The following SNX29 variants were observed in gnomAD, a reference collection of about 807,000 sequenced individuals.
SNX29 encodes sorting nexin 29, also known as sorting nexin-29.
SNX29 carries 78 observed loss-of-function variants against 102.1 expected under a neutral mutation model. The ratio of observed to expected loss-of-function variants is 0.76; its 90% CI spans 0.64 to 0.92. The LOEUF (loss-of-function observed/expected upper bound fraction) is 0.92. SNX29 is among the 40% of genes least tolerant of loss of function. SNX29 has a pLI of 0.00. For missense variants in SNX29, 1,280 were observed against 1,061.7 expected (o/e 1.21, Z -2.86); for synonymous variants, 580 against 414.5 (o/e 1.40, Z -4.85).
intron 20 of SNX29, among the ~76,000 whole-genome samples, chr16:12,542,600 G>C (rs1004392673): frequency 1.3e-5 from 2 of 152,306 alleles, no homozygotes; most frequent in Admixed American, 1.3e-4. Flanking sequence ...CCAAAGTGCT[G>C]GGATTACAGG....
At position 12,109,144 on chromosome 16, in the gene SNX29, A is replaced by AAAAAG. The variant is rs1555461961; in HGVS notation, c.1403-17485_1403-17484insGAAAA. On this transcript the variant is annotated intron_variant, in intron 11 of 20. Coordinates refer to ENST00000566228, the MANE Select transcript of SNX29 (RefSeq NM_032167.5). ...CGCTGTCTCAAAAAAAAAAAAAAAA[A>AAAAAG]AAAAAAAAAAAGAAAAGGAATTTAT... 4.1e-3 allele frequency among the ~76,000 whole-genome samples: 538 copies of AAAAAG among 130,544 alleles called. 19 individuals are homozygous for AAAAAG. The highest frequency in any genetic ancestry group is 6.3e-3 in the Non-Finnish European group (399 of 63,520). The allele number at this position is 130,544 out of a possible 152,430, so 85.6% of individuals were successfully genotyped here.
intron 20 of SNX29, among the ~76,000 whole-genome samples, chr16:12,536,054 C>T (rs546544618): frequency 1.3e-5 from 2 of 152,244 alleles, no homozygotes; most frequent in Non-Finnish European, 2.9e-5. Context: ...GAGCTGAGCC[C>T]TTTGTCTTCA....
At chr16:12,224,156 C>T (rs1457935523) in intron 14 of SNX29, among the ~76,000 whole-genome samples, 1 of 152,126 alleles carries the variant, frequency 6.6e-6, no homozygotes, top group East Asian at 1.9e-4. Flanking sequence ...TACTACTCTA[C>T]TTGAGTAGTA....
At chr16:12,391,243 G>T (rs2083518601) in intron 16 of SNX29, among the ~76,000 whole-genome samples, 1 of 152,196 alleles carries the variant, frequency 6.6e-6, no homozygotes, top group Non-Finnish European at 1.5e-5. Context: ...ACCATGCCCA[G>T]CCTTACAAAT....
At chr16:12,371,836 C>T (rs367956656) in intron 16 of SNX29, among the ~76,000 whole-genome samples, 4 of 152,178 alleles carry the variant, frequency 2.6e-5, no homozygotes, top group Admixed American at 1.3e-4. Flanking sequence ...TGACTCTCGC[C>T]TTCGCCCTAT....
intron 14 of SNX29, among the ~76,000 whole-genome samples, chr16:12,200,004 G>A (rs1567304268): frequency 6.6e-6 from 1 of 152,198 alleles, no homozygotes; most frequent in East Asian, 1.9e-4. Flanking sequence ...GTCACAGCAG[G>A]CCACGGGTGC....
chr16:12,270,439 C>T (rs1488599243), intron 14 of SNX29, among the ~76,000 whole-genome samples: 1 of 152,092 alleles, frequency 6.6e-6, no homozygotes, highest in Non-Finnish European at 1.5e-5. Context: ...TTCTTTTACT[C>T]CCAAGGCAAA....
chr16:12,345,160 T>C (rs985258211), intron 15 of SNX29, among the ~76,000 whole-genome samples: 2 of 152,348 alleles, frequency 1.3e-5, no homozygotes, highest in Admixed American at 1.3e-4. Flanking sequence ...GGTAAGATCC[T>C]GTGCTCTGCG....
At chr16:12,537,137 C>T (rs1010663543) in intron 20 of SNX29, among the ~76,000 whole-genome samples, 3 of 152,182 alleles carry the variant, frequency 2.0e-5, no homozygotes, top group East Asian at 1.9e-4. Flanking sequence ...AAATGGATCT[C>T]AGAGGCTGGG....
rs143837292 is a variant in SNX29 at position 12,130,776 on chromosome 16, A to G, written c.1595+1018A>G. Among the ~76,000 whole-genome samples the G allele has an allele frequency of 1.2e-4, 18 of 150,820 alleles. No homozygotes were observed. The East Asian group carries it at 3.3e-3, about 28-fold the overall frequency. On this transcript the variant is annotated intron_variant, in intron 13 of 20. Coordinates refer to ENST00000566228, the MANE Select transcript of SNX29 (RefSeq NM_032167.5). Reference sequence around the variant, plus strand: ...TTAATGTGAAGTGGTAGCCTGTCCTATGCAGCATTCACTTGACATCTCAGA... The same window carrying G: ...TTAATGTGAAGTGGTAGCCTGTCCTGTGCAGCATTCACTTGACATCTCAGA...
intron 18 of SNX29, among the ~76,000 whole-genome samples, chr16:12,444,709 C>T (rs936444322): frequency 6.6e-6 from 1 of 152,186 alleles, no homozygotes; most frequent in Non-Finnish European, 1.5e-5. Context: ...GTCCTTCCCT[C>T]TGTCTCTTCC....
At chr16:12,177,162 G>C (rs752050926) in intron 13 of SNX29, among the ~76,000 whole-genome samples, 2 of 152,038 alleles carry the variant, frequency 1.3e-5, no homozygotes, top group Non-Finnish European at 2.9e-5. Flanking sequence ...TTTCTGGGCT[G>C]GTCTTGAACT....
intron 11 of SNX29, among the ~76,000 whole-genome samples, chr16:12,092,828 C>T (rs982867691): frequency 6.6e-6 from 1 of 152,208 alleles, no homozygotes; most frequent in Admixed American, 6.5e-5. Context: ...TTCCTTTCCC[C>T]CTTGCCTACT....
intron 13 of SNX29, among the ~76,000 whole-genome samples, chr16:12,173,871 C>A (rs985512373): frequency 6.6e-6 from 1 of 152,210 alleles, no homozygotes; most frequent in African/African-American, 2.4e-5. Flanking sequence ...ACTCTGCCTC[C>A]CGGCTTCAAG....
intron 1 of SNX29, among the ~76,000 whole-genome samples, chr16:11,998,919 G>C (rs2056185592): frequency 2.0e-5 from 3 of 152,200 alleles, no homozygotes; most frequent in African/African-American, 7.2e-5. Flanking sequence ...GTTGACAACT[G>C]GGGGCAGTTT....
chr16:12,332,521 G>A (rs1355931266), intron 15 of SNX29, among the ~76,000 whole-genome samples: 6 of 152,048 alleles, frequency 3.9e-5, no homozygotes, highest in African/African-American at 9.7e-5. Context: ...ATCCTCCCCC[G>A]TCCTCGTCAT....
At chr16:12,259,683 C>T (rs2078676609) in intron 14 of SNX29, among the ~76,000 whole-genome samples, 1 of 152,180 alleles carries the variant, frequency 6.6e-6, no homozygotes, top group African/African-American at 2.4e-5. Flanking sequence ...CTGTAAGGTA[C>T]ATCAAAATCA....
intron 13 of SNX29, among the ~76,000 whole-genome samples, chr16:12,170,013 G>A (rs974413776): frequency 6.6e-6 from 1 of 152,110 alleles, no homozygotes; most frequent in Non-Finnish European, 1.5e-5. Flanking sequence ...GTTCTAGATC[G>A]GGTTTCTTGC....
chr16:12,434,317 T>C (rs886996382), intron 18 of SNX29, among the ~76,000 whole-genome samples: 10 of 152,212 alleles, frequency 6.6e-5, no homozygotes, highest in African/African-American at 2.2e-4. Flanking sequence ...TTTCTCTGTT[T>C]GCCTGAAATA....
Sources: gnomAD v4.1 joint callset for allele counts (sites outside exome capture counted in the v4.1 genomes callset) on GRCh38, gnomAD v4.1.1 for gene constraint, MANE v1.5 for transcripts, NCBI Gene and HGNC (gene_info 2026-07-23, HGNC 2026-07-21) for gene names.